The following NRXN3 variants were observed in gnomAD, a reference collection of about 807,000 sequenced individuals.
NRXN3 encodes the protein neurexin III.
A neutral mutation model predicts 137.6 loss-of-function variants in NRXN3; 32 were observed. The observed-to-expected ratio is 0.23, with a 90% CI of 0.18 to 0.31. The LOEUF (loss-of-function observed/expected upper bound fraction) is 0.31, where lower values mean the gene tolerates loss of function less well. Ranked by LOEUF, NRXN3 falls within the 10% of genes least tolerant of loss-of-function variation. The pLI is 1.00. For missense variants in NRXN3, 1,574 were observed against 2,062.5 expected, an observed-to-expected ratio of 0.76 and a Z score of 4.59; for synonymous variants, 798 against 784.5, an observed-to-expected ratio of 1.02 and a Z score of -0.29.
intron 20 of NRXN3, among the ~76,000 whole-genome samples, chr14:79,818,111 T>C (rs1232856684): frequency 1.5e-5 from 2 of 137,136 alleles, no homozygotes; most frequent in Non-Finnish European, 3.0e-5. Flanking sequence ...TGGAGTGCAG[T>C]GGCGCGATCT....
intron 4 of NRXN3, among the ~76,000 whole-genome samples, chr14:78,341,752 C>T (rs879067225): frequency 1.3e-5 from 2 of 152,170 alleles, no homozygotes; most frequent in African/African-American, 2.4e-5. Context: ...TCTCTCTGCT[C>T]GTAATTATTC....
intron 10 of NRXN3, among the ~76,000 whole-genome samples, chr14:78,943,006 C>A (rs1014761562): frequency 4.6e-5 from 7 of 151,816 alleles, no homozygotes; most frequent in African/African-American, 1.7e-4. Flanking sequence ...CTGAGAAATA[C>A]CCTAGAGGAA....
At chr14:79,648,023 C>G (rs1220941179) in intron 16 of NRXN3, among the ~76,000 whole-genome samples, 1 of 135,138 alleles carries the variant, frequency 7.4e-6, no homozygotes, top group African/African-American at 2.5e-5. Context: ...TTGCAAGAGA[C>G]AGACAAGTTA....
At chr14:78,557,074 C>T (rs963379309) in intron 4 of NRXN3, among the ~76,000 whole-genome samples, 7 of 147,624 alleles carry the variant, frequency 4.7e-5, no homozygotes, top group Admixed American at 1.4e-4. Flanking sequence ...TTTCTGAGAC[C>T]GGGACTTGCT....
chr14:78,406,169 G>A (rs572950565), intron 4 of NRXN3, among the ~76,000 whole-genome samples: 52 of 152,288 alleles, frequency 3.4e-4, no homozygotes, highest in African/African-American at 1.1e-3. Context: ...GATGGGCTTT[G>A]AAGCATGAGC....
chr14:78,649,162 C>T, intron 5 of NRXN3: 2 of 667,034 alleles, frequency 3.0e-6, no homozygotes, highest in South Asian at 1.6e-5. Flanking sequence ...TACTAACCGA[C>T]TAATGTACTA....
chr14:79,423,376 A>G (rs926279156), intron 15 of NRXN3, among the ~76,000 whole-genome samples: 2 of 152,214 alleles, frequency 1.3e-5, no homozygotes, highest in African/African-American at 4.8e-5. Context: ...CTTTATCCCA[A>G]CCTATTGGGT....
At chr14:79,527,364 T>C (rs915766901) in intron 16 of NRXN3, among the ~76,000 whole-genome samples, 1 of 138,854 alleles carries the variant, frequency 7.2e-6, no homozygotes, top group African/African-American at 2.7e-5. Flanking sequence ...TTAGAGATGG[T>C]GGTTAGAAGA....
chr14:79,645,068 T>A lies in NRXN3; in HGVS notation c.3445-18710T>A. Among the ~76,000 whole-genome samples the A allele has an allele frequency of 1.5e-5, 2 of 135,920 alleles. 1 individual carries two copies. Among genetic ancestry groups the A allele is most frequent in the Non-Finnish European group, 3.4e-5 (2 of 58,436 alleles). The allele number at this position is 135,920 out of a possible 152,430, so 89.2% of individuals were successfully genotyped here. Reference sequence around the variant, plus strand: ...CCATCTCCTCTGTGTTCACTTACATTCTATCCATGTTCAGGATTGAGTTTA... The same window carrying A: ...CCATCTCCTCTGTGTTCACTTACATACTATCCATGTTCAGGATTGAGTTTA... On this transcript the variant is annotated intron_variant, in intron 16 of 20. Coordinates refer to ENST00000335750, the MANE Select transcript of NRXN3 (RefSeq NM_001330195.2).
chr14:78,651,436 A>C (rs1214203490), intron 6 of NRXN3, 110 bp downstream of exon 6: 28 of 1,238,460 alleles, frequency 2.3e-5, no homozygotes, highest in Non-Finnish European at 3.0e-5. Context: ...GAGATGATAG[A>C]TTGCAGCAGA....
intron 4 of NRXN3, among the ~76,000 whole-genome samples, chr14:78,554,424 C>G (rs1178317450): frequency 6.6e-6 from 1 of 152,022 alleles, no homozygotes; most frequent in Non-Finnish European, 1.5e-5. Flanking sequence ...TCTGGTTTAC[C>G]AGCATAGAGG....
intron 15 of NRXN3, among the ~76,000 whole-genome samples, chr14:79,180,074 G>A (rs2062758396): frequency 6.6e-6 from 1 of 152,128 alleles, no homozygotes; most frequent in Non-Finnish European, 1.5e-5. Context: ...GTCTGCCCCA[G>A]ACCACAATCA....
intron 8 of NRXN3, among the ~76,000 whole-genome samples, chr14:78,790,188 A>G (rs1210889131): frequency 6.6e-6 from 1 of 152,210 alleles, no homozygotes; most frequent in South Asian, 2.1e-4. Context: ...TTGAAATTCT[A>G]TTAGAAGGTA....
chr14:79,662,863 A>AT (rs570149746), intron 16 of NRXN3, among the ~76,000 whole-genome samples: 44 of 152,186 alleles, frequency 2.9e-4, no homozygotes, highest in African/African-American at 9.9e-4. Flanking sequence ...TTCATGAGAA[A>AT]TTGTCCCCAT....
At chr14:78,403,180 A>G (rs2092231985) in intron 4 of NRXN3, among the ~76,000 whole-genome samples, 1 of 152,162 alleles carries the variant, frequency 6.6e-6, no homozygotes, top group Non-Finnish European at 1.5e-5. Flanking sequence ...GAATATTCCA[A>G]ACTTTTGCAG....
At chr14:79,335,208 A>T (rs1208830374) in intron 15 of NRXN3, among the ~76,000 whole-genome samples, 2 of 152,074 alleles carry the variant, frequency 1.3e-5, no homozygotes, top group Non-Finnish European at 2.9e-5. Flanking sequence ...GTTACAGTAT[A>T]AAGATTTTTT....
At chr14:79,191,048 T>G (rs1280097380) in intron 15 of NRXN3, among the ~76,000 whole-genome samples, 1 of 152,138 alleles carries the variant, frequency 6.6e-6, no homozygotes, top group Non-Finnish European at 1.5e-5. Flanking sequence ...TAAAAGCCAA[T>G]GGAGATTAAC....
At chr14:79,838,666 A>G (rs1187848599) in intron 20 of NRXN3, among the ~76,000 whole-genome samples, 1 of 152,124 alleles carries the variant, frequency 6.6e-6, no homozygotes, top group Non-Finnish European at 1.5e-5. Flanking sequence ...CTGTTTTCAA[A>G]GCTGCCTTAT....
intron 16 of NRXN3, among the ~76,000 whole-genome samples, chr14:79,555,500 T>C (rs2097420654): frequency 6.6e-6 from 1 of 152,126 alleles, no homozygotes; most frequent in African/African-American, 2.4e-5. Flanking sequence ...AGAATGTAAG[T>C]CTAGGATATA....
Sources: gnomAD v4.1 joint callset for allele counts (sites outside exome capture counted in the v4.1 genomes callset) on GRCh38, gnomAD v4.1.1 for gene constraint, MANE v1.5 for transcripts, NCBI Gene and HGNC (gene_info 2026-07-23, HGNC 2026-07-21) for gene names.